SPAG16: variants seen among roughly 807,000 people sequenced by gnomAD.
The protein encoded by SPAG16 is sperm associated antigen 16, also known as sperm-associated antigen 16 protein.
In SPAG16, 86 loss-of-function variants were observed where a neutral mutation model predicts 80.4. That is an observed-to-expected ratio of 1.07 (90% CI 0.90 to 1.28). The LOEUF (loss-of-function observed/expected upper bound fraction) is 1.28, where lower values mean the gene tolerates loss of function less well. SPAG16 is among the 50% of genes most tolerant of loss of function. SPAG16 has a pLI of 0.00. For synonymous variants in SPAG16, 294 were observed against 265.9 expected, an observed-to-expected ratio of 1.11 and a Z score of -1.03; for missense variants, 870 against 765.3, an observed-to-expected ratio of 1.14 and a Z score of -1.61.
At chr2:213,816,624 CAATATCCAG>C (rs2072555882) in intron 10 of SPAG16, among the ~76,000 whole-genome samples, 1 of 151,786 alleles carries the variant, frequency 6.6e-6, no homozygotes, top group African/African-American at 2.4e-5. Context: ...ATACTTATGC[CAATATCCAG>C]AACATATTTT....
intron 10 of SPAG16, among the ~76,000 whole-genome samples, chr2:213,522,290 T>A (rs558826632): frequency 6.6e-6 from 1 of 152,322 alleles, no homozygotes; most frequent in East Asian, 1.9e-4. Context: ...AAAGCTTTAT[T>A]GACAAATCAA....
intron 11 of SPAG16, among the ~76,000 whole-genome samples, chr2:213,864,835 A>G (rs1410228285): frequency 6.6e-6 from 1 of 151,986 alleles, no homozygotes; most frequent in African/African-American, 2.4e-5. Context: ...TCTTTGTCCT[A>G]TTTCTCGTAT....
Position 213,481,090 on chromosome 2 carries a change from G to T in SPAG16, c.943-8873G>T, listed in dbSNP as rs556997910. Among the ~76,000 whole-genome samples, 3 of 152,270 alleles carry T rather than the reference G, an allele frequency of 2.0e-5. No individual in the cohort carries two copies. In the East Asian group the frequency reaches 5.8e-4, roughly 29 times the overall value. Reference sequence around the variant, plus strand: ...AAGCCATTCAATTCAGCAATTTCTAGTTGGTCAGATACATCTTCAGGCAAA... The same window carrying T: ...AAGCCATTCAATTCAGCAATTTCTATTTGGTCAGATACATCTTCAGGCAAA... On this transcript the variant is annotated intron_variant, in intron 9 of 15. Coordinates refer to ENST00000331683, the MANE Select transcript of SPAG16 (RefSeq NM_024532.5).
chr2:213,861,213 T>G (rs2075443228), intron 10 of SPAG16, among the ~76,000 whole-genome samples: 1 of 152,204 alleles, frequency 6.6e-6, no homozygotes, highest in African/African-American at 2.4e-5. Flanking sequence ...CTGCTAATGC[T>G]GAAGCCAGTA....
chr2:213,943,042 C>A (rs2079277433), intron 12 of SPAG16, among the ~76,000 whole-genome samples: 1 of 152,150 alleles, frequency 6.6e-6, no homozygotes, highest in South Asian at 2.1e-4. Context: ...ATCTGCAAAC[C>A]AGAAAGTGGG....
At chr2:214,391,688 A>G (rs1159882868) in intron 15 of SPAG16, among the ~76,000 whole-genome samples, 1 of 152,192 alleles carries the variant, frequency 6.6e-6, no homozygotes, top group Non-Finnish European at 1.5e-5. Context: ...CAAATGCCTA[A>G]AGAAGACGAC....
chr2:213,725,914 T>C (rs78250558), intron 10 of SPAG16, among the ~76,000 whole-genome samples: 3,693 of 152,264 alleles, frequency 0.024, 150 homozygotes, highest in African/African-American at 0.083. Flanking sequence ...GGTCAGGACA[T>C]TGAAAGAAGG....
At chr2:214,264,166 C>A (rs950932538) in intron 15 of SPAG16, among the ~76,000 whole-genome samples, 1 of 152,196 alleles carries the variant, frequency 6.6e-6, no homozygotes, top group Non-Finnish European at 1.5e-5. Flanking sequence ...TGCCCTAAAT[C>A]CATACTCCTC....
rs763195658 is a variant in SPAG16, at chr2:213,375,120, G to T, written c.942+1G>T. The T allele has an allele frequency of 8.2e-6, 13 of 1,588,112 alleles. No individual in the cohort carries two copies. Among genetic ancestry groups the T allele is most frequent in the East Asian group, 2.2e-5 (1 of 44,546 alleles). ...AACAAAGATGAAAGGCAATACAAAG[G>T]TATGATATTTGTTTTTGTTTGCATT... On this transcript the variant is annotated splice_donor_variant, in intron 9 of 15. Transcript: ENST00000331683. LOFTEE classifies it high-confidence loss of function.
In SPAG16 at chr2:213,574,554, CT is replaced by C. The variant is rs556363177; in HGVS notation, c.1070+84465del. Among the ~76,000 whole-genome samples the C allele has an allele frequency of 5.3e-5, 8 of 151,824 alleles. No individual in the cohort carries two copies. The South Asian group carries it at 1.5e-3, about 28-fold the overall frequency. Reference sequence around the variant, plus strand: ...TGTTACACATGAACATGTTCTCATGCTGCTAGATAATGTTAAACCATACTAA... The same window carrying C: ...TGTTACACATGAACATGTTCTCATGCGCTAGATAATGTTAAACCATACTAA... On this transcript the variant is annotated intron_variant, in intron 10 of 15. Transcript: ENST00000331683.
chr2:213,803,902 G>C (rs113396392), intron 10 of SPAG16, among the ~76,000 whole-genome samples: 7,118 of 152,170 alleles, frequency 0.047, 202 homozygotes, highest in East Asian at 0.084. Flanking sequence ...TCATGGCACA[G>C]GCCTTGAGTC....
At chr2:213,762,281 A>C (rs1377229948) in intron 10 of SPAG16, among the ~76,000 whole-genome samples, 1 of 152,200 alleles carries the variant, frequency 6.6e-6, no homozygotes, top group Non-Finnish European at 1.5e-5. Flanking sequence ...GATGGAGATG[A>C]ATAATGGTAA....
At position 213,522,014 on chromosome 2, in the gene SPAG16, A is replaced by G. The variant is rs530967118; in HGVS notation, c.1070+31924A>G. ...TTATAAGCAATAGTGTGAGCATCAA[A>G]TAAATGGAATTAGGGAACTGCAGAG... On this transcript the variant is annotated intron_variant, in intron 10 of 15. Transcript: ENST00000331683. Among the ~76,000 whole-genome samples, 15 of 152,340 alleles carry G rather than the reference A, an allele frequency of 9.8e-5. No homozygotes were observed. The East Asian group carries it at 2.1e-3, about 22-fold the overall frequency.
intron 10 of SPAG16, among the ~76,000 whole-genome samples, chr2:213,520,437 A>G (rs960396490): frequency 6.6e-5 from 10 of 151,886 alleles, no homozygotes; most frequent in African/African-American, 1.7e-4. Context: ...ATACAAAAAA[A>G]AAAAAAATTC....
At chr2:213,985,289 G>C (rs887353134) in intron 12 of SPAG16, among the ~76,000 whole-genome samples, 14 of 151,968 alleles carry the variant, frequency 9.2e-5, no homozygotes, top group Non-Finnish European at 2.1e-4. Context: ...TAAATTTTCT[G>C]TGTCTAAAAA....
intron 1 of SPAG16, among the ~76,000 whole-genome samples, chr2:213,291,773 C>T (rs1024470620): frequency 2.0e-5 from 3 of 152,180 alleles, no homozygotes; most frequent in African/African-American, 7.2e-5. Context: ...AGGAATTTAT[C>T]TTTGTCATTC....
At chr2:213,798,217 A>G (rs1018777599) in intron 10 of SPAG16, among the ~76,000 whole-genome samples, 2 of 152,146 alleles carry the variant, frequency 1.3e-5, no homozygotes, top group African/African-American at 4.8e-5. Flanking sequence ...TATCAGACTT[A>G]TGACTTGCAA....
chr2:213,707,722 G>A (rs538220589), intron 10 of SPAG16, among the ~76,000 whole-genome samples: 1 of 152,030 alleles, frequency 6.6e-6, no homozygotes, highest in Non-Finnish European at 1.5e-5. Flanking sequence ...CTCTCACTCA[G>A]TAAGTGATAT....
At position 213,973,720 on chromosome 2, in the gene SPAG16, A is replaced by C. The variant is rs938328343; in HGVS notation, c.1401-40231A>C. On this transcript the variant is annotated intron_variant, in intron 12 of 15. Coordinates refer to ENST00000331683, the MANE Select transcript of SPAG16 (RefSeq NM_024532.5). ...GAGTTCTGACAAAGTTGGTTTTGAC[A>C]GTTCTGCTTGTTTTAAATGATTTTT... Among the ~76,000 whole-genome samples, 8 of 150,878 alleles carry C rather than the reference A, an allele frequency of 5.3e-5. 1 individual carries two copies. The highest frequency in any genetic ancestry group is 2.0e-4 in the African/African-American group (8 of 41,004).
Sources: allele counts gnomAD v4.1 joint callset (sites outside exome capture counted in the v4.1 genomes callset), GRCh38; gene constraint gnomAD v4.1.1; transcripts MANE v1.5; gene names NCBI Gene and HGNC (gene_info 2026-07-23, HGNC 2026-07-21).